Variants in DIAPH3 observed in about 807,000 individuals in gnomAD.
DIAPH3 encodes protein diaphanous homolog 3.
Under a neutral mutation model 144.3 loss-of-function variants are expected in DIAPH3, and 117 were observed. That is an observed-to-expected ratio of 0.81 (90% CI 0.70 to 0.95). The LOEUF (loss-of-function observed/expected upper bound fraction) is 0.95. Among genes scored for constraint, DIAPH3 ranks in the 40% least tolerant of loss-of-function variants. The pLI, the probability that DIAPH3 is intolerant of heterozygous loss-of-function variation, is 0.00. For synonymous variants in DIAPH3, 519 were observed against 488.9 expected (o/e 1.06, Z -0.81); for missense variants, 1,421 against 1,412.7 (o/e 1.01, Z -0.09).
At chr13:60,049,465 C>G (rs1168741946) in intron 4 of DIAPH3, among the ~76,000 whole-genome samples, 9 of 152,186 alleles carry the variant, frequency 5.9e-5, no homozygotes, top group African/African-American at 1.9e-4. Context: ...AATCCTGCCT[C>G]TGACACCCTC....
chr13:59,993,187 A>G (rs920707251), intron 9 of DIAPH3, among the ~76,000 whole-genome samples: 1 of 151,916 alleles, frequency 6.6e-6, no homozygotes, highest in East Asian at 1.9e-4. Flanking sequence ...AGAGCTCACT[A>G]AATCCTTTAA....
At chr13:59,843,666 G>C (rs1264574282) in intron 22 of DIAPH3, among the ~76,000 whole-genome samples, 3 of 152,178 alleles carry the variant, frequency 2.0e-5, no homozygotes, top group African/African-American at 7.2e-5. Flanking sequence ...GCCATTTCTT[G>C]TGCTTCACCA....
intron 1 of DIAPH3, among the ~76,000 whole-genome samples, chr13:60,141,885 A>C (rs1046837859): frequency 3.9e-5 from 6 of 152,258 alleles, no homozygotes; most frequent in African/African-American, 1.4e-4. Flanking sequence ...TGAGGTAGGC[A>C]TAGGCCTCAT....
chr13:59,803,873 C>G (rs2040064092), intron 25 of DIAPH3, among the ~76,000 whole-genome samples: 1 of 152,140 alleles, frequency 6.6e-6, no homozygotes, highest in Admixed American at 6.5e-5. Context: ...TTGCTTGCTA[C>G]TATTTATGGA....
intron 4 of DIAPH3, among the ~76,000 whole-genome samples, chr13:60,076,283 G>A (rs952509246): frequency 6.6e-6 from 1 of 152,112 alleles, no homozygotes; most frequent in Non-Finnish European, 1.5e-5. Context: ...TCCCTCACAA[G>A]GGGTCAGAAA....
chr13:59,825,467 T>C (rs976615767), intron 24 of DIAPH3, among the ~76,000 whole-genome samples: 10 of 152,188 alleles, frequency 6.6e-5, no homozygotes, highest in African/African-American at 2.4e-4. Context: ...TCCAAGTCTT[T>C]GCTATTGTGA....
intron 5 of DIAPH3, 154 bp downstream of exon 5, chr13:60,042,536 T>C (rs527524313): frequency 5.0e-5 from 46 of 924,020 alleles, no homozygotes; most frequent in South Asian, 3.1e-4. Flanking sequence ...AAAGGTACTA[T>C]TGAGACTATA....
intron 22 of DIAPH3, among the ~76,000 whole-genome samples, chr13:59,858,237 T>C (rs1388057811): frequency 1.3e-5 from 2 of 152,034 alleles, no homozygotes; most frequent in South Asian, 2.1e-4. Flanking sequence ...AAAAAAGCAA[T>C]GCATAGACAC....
intron 20 of DIAPH3, among the ~76,000 whole-genome samples, chr13:59,908,821 C>T (rs888907181): frequency 6.6e-5 from 10 of 151,758 alleles, no homozygotes; most frequent in Admixed American, 3.9e-4. Flanking sequence ...GTCTACGGAA[C>T]CTAAAGATGA....
At chr13:59,846,590 G>C (rs1383083850) in intron 22 of DIAPH3, among the ~76,000 whole-genome samples, 2 of 151,664 alleles carry the variant, frequency 1.3e-5, no homozygotes, top group African/African-American at 4.8e-5. Flanking sequence ...TGGACAAGGT[G>C]GTCCAAAACA....
intron 27 of DIAPH3, among the ~76,000 whole-genome samples, chr13:59,772,759 T>C (rs755410688): frequency 5.3e-5 from 8 of 152,048 alleles, no homozygotes; most frequent in Non-Finnish European, 2.9e-5. Context: ...TCACAATCAT[T>C]GTGTTTGGCT....
intron 1 of DIAPH3, among the ~76,000 whole-genome samples, chr13:60,158,098 A>G (rs1193313302): frequency 6.6e-6 from 1 of 152,232 alleles, no homozygotes; most frequent in Non-Finnish European, 1.5e-5. Flanking sequence ...GCTACAAAAA[A>G]TGACAAACTT....
chr13:59,948,867 A>AGGAG (rs1202622632), intron 17 of DIAPH3, among the ~76,000 whole-genome samples: 3 of 150,652 alleles, frequency 2.0e-5, no homozygotes, highest in Non-Finnish European at 4.4e-5. Flanking sequence ...GAAGGAAGGA[A>AGGAG]GGAAGGAAGG....
At chr13:59,889,723 C>T (rs1002462397) in intron 20 of DIAPH3, among the ~76,000 whole-genome samples, 8 of 151,926 alleles carry the variant, frequency 5.3e-5, no homozygotes, top group Non-Finnish European at 8.8e-5. Context: ...TCTGTAATAT[C>T]CCATTGAAAA....
intron 4 of DIAPH3, among the ~76,000 whole-genome samples, chr13:60,053,994 C>T (rs2056462257): frequency 6.6e-6 from 1 of 151,996 alleles, no homozygotes; most frequent in Non-Finnish European, 1.5e-5. Context: ...AAAAGTTTGC[C>T]TAGAATACCT....
intron 2 of DIAPH3, among the ~76,000 whole-genome samples, chr13:60,126,859 T>C (rs1164731086): frequency 6.6e-6 from 1 of 152,042 alleles, no homozygotes; most frequent in Non-Finnish European, 1.5e-5. Flanking sequence ...TTTTGTGGGA[T>C]GCAGCTAAAG....
chr13:59,777,018 G>A (rs545841213), intron 25 of DIAPH3, among the ~76,000 whole-genome samples: 23 of 152,136 alleles, frequency 1.5e-4, no homozygotes, highest in Non-Finnish European at 2.8e-4. Flanking sequence ...TCTAGCTACC[G>A]TTACTAGTCC....
chr13:60,031,621 G>A (rs116869170), intron 5 of DIAPH3, among the ~76,000 whole-genome samples: 2,126 of 152,028 alleles, frequency 0.014, 65 homozygotes, highest in East Asian at 0.1. Flanking sequence ...AAGATACAAC[G>A]GGGGTACAGA....
intron 12 of DIAPH3, 106 bp from the exon 13 acceptor site, chr13:59,983,993 T>C (rs1046828211): frequency 4.1e-6 from 3 of 738,146 alleles, no homozygotes; most frequent in African/African-American, 3.5e-5. Context: ...AATTTATTAG[T>C]AATATAATTT....
Sources: gnomAD v4.1 joint callset for allele counts (sites outside exome capture counted in the v4.1 genomes callset) on GRCh38, gnomAD v4.1.1 for gene constraint, MANE v1.5 for transcripts, NCBI Gene and HGNC (gene_info 2026-07-23, HGNC 2026-07-21) for gene names.